The following SLC30A5 variants were observed in gnomAD, a reference collection of about 807,000 sequenced individuals.
SLC30A5 encodes solute carrier family 30 member 5, also known as proton-coupled zinc antiporter SLC30A5.
SLC30A5 carries 33 observed loss-of-function variants against 79.6 expected under a neutral mutation model. That is an observed-to-expected ratio of 0.41 (90% confidence interval 0.31 to 0.55). SLC30A5 has a LOEUF of 0.55. Ranked by LOEUF, SLC30A5 falls within the 20% of genes least tolerant of loss-of-function variation. The pLI is 0.20. For synonymous variants in SLC30A5, 299 were observed against 319.7 expected (o/e 0.94, Z 0.69); for missense variants, 788 against 928.1 (o/e 0.85, Z 1.96).
intron 15 of SLC30A5, among the ~76,000 whole-genome samples, chr5:69,128,728 T>C (rs1191313457): frequency 6.6e-6 from 1 of 152,140 alleles, no homozygotes; most frequent in Non-Finnish European, 1.5e-5. Context: ...CAGTAGATTA[T>C]CAAAAAATAA....
In SLC30A5 at chr5:69,108,378, T is replaced by G. The variant is rs142696599; in HGVS notation, c.389T>G (p.Ile130Ser). 5 of 1,613,734 alleles carry G rather than the reference T, an allele frequency of 3.1e-6. No homozygotes were observed. In the African/African-American group the frequency reaches 6.7e-5, roughly 22 times the overall value. The change falls in exon 5 of 16, where the codon ATT (isoleucine) becomes AGT (serine). Residue 130 changes from isoleucine to serine, a missense_variant. Ile to Ser is a moderately radical substitution (Grantham distance 142, BLOSUM62 -2). This residue lies in a region of SLC30A5 where 626 missense variants were observed against 755.5 expected (regional missense o/e 0.83). Coordinates refer to ENST00000396591, the MANE Select transcript of SLC30A5 (RefSeq NM_022902.5). ...RTLLLFEHSD[I>S]VVISLLSVLF... is the part of the protein sequence containing the mutation. ...TTGCTGCTATTTGAGCACAGTGATA[T>G]TGTTGTCATTTCACTACTCAGTGTT... is the stretch of plus-strand genomic sequence containing the variant.
chr5:69,109,273 T>C (rs1746166999), intron 5 of SLC30A5, among the ~76,000 whole-genome samples: 1 of 152,094 alleles, frequency 6.6e-6, no homozygotes, highest in South Asian at 2.1e-4. Flanking sequence ...ATTATATACA[T>C]TGCATGCCTA....
chr5:69,117,714 T>TA (rs1403391806), intron 11 of SLC30A5, among the ~76,000 whole-genome samples: 1 of 150,666 alleles, frequency 6.6e-6, no homozygotes, highest in Non-Finnish European at 1.5e-5. Context: ...TCGTCTCTAC[T>TA]AAAAATACAA....
At chr5:69,095,861 A>T (rs570674427) in intron 1 of SLC30A5, among the ~76,000 whole-genome samples, 1 of 151,880 alleles carries the variant, frequency 6.6e-6, no homozygotes, top group East Asian at 1.9e-4. Context: ...GGGGTTCGAG[A>T]CCAGCCTGGC....
intron 1 of SLC30A5, among the ~76,000 whole-genome samples, chr5:69,097,178 C>T (rs1287687387): frequency 7.3e-6 from 1 of 137,346 alleles, no homozygotes; most frequent in Non-Finnish European, 1.5e-5. Context: ...TGCAGTGGCG[C>T]GATCTCGGCT....
intron 5 of SLC30A5, among the ~76,000 whole-genome samples, chr5:69,111,499 T>G (rs1200796834): frequency 6.6e-6 from 1 of 151,202 alleles, no homozygotes; most frequent in Admixed American, 6.6e-5. Context: ...AGAGACAGGG[T>G]TTCACCATAT....
At chr5:69,118,189 AAAAG>A (rs1746428916) in intron 11 of SLC30A5, among the ~76,000 whole-genome samples, 2 of 150,430 alleles carry the variant, frequency 1.3e-5, no homozygotes, top group South Asian at 2.1e-4. Flanking sequence ...AAAAAAAAAA[AAAAG>A]AGAGTAAAGA....
At chr5:69,101,635 C>T (rs1745922461) in intron 2 of SLC30A5, among the ~76,000 whole-genome samples, 2 of 151,470 alleles carry the variant, frequency 1.3e-5, no homozygotes, top group Non-Finnish European at 1.5e-5. Flanking sequence ...AGTGACCACC[C>T]TCTGTGTTAA....
chr5:69,120,261 G>A (rs560694402), intron 12 of SLC30A5, among the ~76,000 whole-genome samples: 4 of 152,044 alleles, frequency 2.6e-5, no homozygotes, highest in Non-Finnish European at 4.4e-5. Flanking sequence ...GCGGGCGCCT[G>A]TAATCCCAGC....
chr5:69,100,711 G>T, intron 1 of SLC30A5, 96 bp from the exon 2 acceptor site: 1 of 993,408 alleles, frequency 1.0e-6, no homozygotes, highest in Non-Finnish European at 1.5e-6. Flanking sequence ...GTATATTTCT[G>T]TGGTTTCTGT....
At chr5:69,115,513 G>A in intron 8 of SLC30A5, 106 bp downstream of exon 8, 1 of 916,768 alleles carries the variant, frequency 1.1e-6, no homozygotes, top group Non-Finnish European at 1.6e-6. Flanking sequence ...ATTTGAGGTT[G>A]AAAGTGGCTT....
chr5:69,110,058 C>T (rs79291554), intron 5 of SLC30A5, among the ~76,000 whole-genome samples: 12 of 152,262 alleles, frequency 7.9e-5, no homozygotes, highest in African/African-American at 1.9e-4. Flanking sequence ...CAGTCTTGAG[C>T]GCAAATGATC....
In SLC30A5 at chr5:69,102,176, G is replaced by A. The variant is rs117044605; in HGVS notation, c.207-886G>A. Among the ~76,000 whole-genome samples, 56 of 148,438 alleles carry A rather than the reference G, an allele frequency of 3.8e-4. No individual in the cohort carries two copies. The Middle Eastern group carries it at 0.011, about 29-fold the overall frequency. On this transcript the variant is annotated intron_variant, in intron 2 of 15. Coordinates refer to ENST00000396591, the MANE Select transcript of SLC30A5 (RefSeq NM_022902.5). Reference sequence around the variant, plus strand: ...TCAAGCAATTCTGTCTCAGCCTCCTGAGTAGCTAGGATTACAGGTGTGTCC... The same window carrying A: ...TCAAGCAATTCTGTCTCAGCCTCCTAAGTAGCTAGGATTACAGGTGTGTCC...
At chr5:69,100,741 A>C (rs1745889724) in intron 1 of SLC30A5, 66 bp from the exon 2 acceptor site, 2 of 1,432,756 alleles carry the variant, frequency 1.4e-6, no homozygotes, top group Non-Finnish European at 1.9e-6. Flanking sequence ...TTGTTTAAAA[A>C]ACCAGATTGA....
chr5:69,112,485 C>T (rs1157093825), intron 5 of SLC30A5, among the ~76,000 whole-genome samples: 2 of 152,032 alleles, frequency 1.3e-5, no homozygotes, highest in Non-Finnish European at 2.9e-5. Context: ...GTGGCACATG[C>T]CTGTGGTCCC....
Position 69,116,058 on chromosome 5 carries a change from T to A in SLC30A5, c.916T>A (p.Ser306Thr). ...MEVSKCARYG[S>T]FPIFISALLF... ...AGTTTCCAAATGTGCTCGTTATGGA[T>A]CCTTTCCCATTTTTATTAGTGCTCT... Residue 306 changes from serine (S) to threonine (T), a missense_variant, in exon 9 of 16, where the codon TCC becomes ACC. Coordinates refer to ENST00000396591, the MANE Select transcript of SLC30A5 (RefSeq NM_022902.5). This position sits in a 1 kb window ranked among gnomAD's most constrained non-coding sequence, Gnocchi z 4.0. 6.2e-7 allele frequency: 1 copy of A among 1,614,202 alleles called. No homozygotes were observed. The highest frequency in any genetic ancestry group is 1.1e-5 in the South Asian group (1 of 91,088).
intron 1 of SLC30A5, among the ~76,000 whole-genome samples, chr5:69,099,935 A>G (rs1475567001): frequency 6.6e-6 from 1 of 152,230 alleles, no homozygotes; most frequent in Non-Finnish European, 1.5e-5. Flanking sequence ...TATACATTGA[A>G]AAGAAACCAG....
intron 3 of SLC30A5, chr5:69,103,942 A>C: frequency 6.6e-7 from 1 of 1,512,770 alleles, no homozygotes; most frequent in South Asian, 1.2e-5. Context: ...CCCCATTTTA[A>C]CTTTTTTCTC....
In SLC30A5 at chr5:69,094,280, G is replaced by A. The variant is rs999675726; in HGVS notation, c.25G>A (p.Val9Met). MEEKYGGD[V>M]LAGPGGGGGL... ...GATGGAGGAGAAATACGGCGGGGAC[G>A]TGCTGGCCGGCCCCGGCGGCGGCGG... Residue 9 changes from valine (V) to methionine (M), a missense_variant, in exon 1 of 16, where the codon GTG (valine) becomes ATG (methionine). By Grantham distance (21) the Val-to-Met change is conservative. Around this residue, in one of 3 missense-constraint regions of SLC30A5, gnomAD observed 626 missense variants for 755.5 expected, o/e 0.83. Transcript: ENST00000396591. 3.2e-6 allele frequency: 4 copies of A among 1,260,738 alleles called. No individual in the cohort carries two copies. In the African/African-American group the frequency reaches 4.7e-5, roughly 15 times the overall value. 78.1% of individuals were successfully genotyped at this position (1,260,738 alleles called of 1,614,324 possible).
Sources: gnomAD v4.1 joint callset for allele counts (sites outside exome capture counted in the v4.1 genomes callset) on GRCh38, gnomAD v4.1.1 for gene constraint, gnomAD v4.1.1 regional missense constraint, Gnocchi (gnomAD v3.1) non-coding constraint, MANE v1.5 for transcripts, NCBI Gene and HGNC (gene_info 2026-07-23, HGNC 2026-07-21) for gene names.